The following SYT16 variants were observed in gnomAD, a reference collection of about 807,000 sequenced individuals.
SYT16 encodes synaptotagmin 16.
In SYT16, 42 loss-of-function variants were observed where a neutral mutation model predicts 61.4. That is an observed-to-expected ratio of 0.68 (90% CI 0.53 to 0.89). The LOEUF is 0.89. Ranked by LOEUF, SYT16 falls within the 40% of genes least tolerant of loss-of-function variation. The pLI is 0.00. For synonymous variants in SYT16, 314 were observed against 302.3 expected, an observed-to-expected ratio of 1.04 and a Z score of -0.40; for missense variants, 804 against 807.3, an observed-to-expected ratio of 1.00 and a Z score of 0.05.
chr14:61,988,363 A>G (rs1364848394), intron 2 of SYT16, among the ~76,000 whole-genome samples: 3 of 152,210 alleles, frequency 2.0e-5, no homozygotes, highest in Non-Finnish European at 4.4e-5. Context: ...GCCATGTTAA[A>G]TAGTCCCCCT....
chr14:62,033,370 G>A (rs189552095), intron 3 of SYT16, among the ~76,000 whole-genome samples: 5 of 151,856 alleles, frequency 3.3e-5, no homozygotes, highest in East Asian at 1.9e-4. Context: ...TTTCCTCCCC[G>A]GCCTGTTGCA....
chr14:61,817,545 A>G (rs992047169), intron 1 of SYT16, among the ~76,000 whole-genome samples: 12 of 152,204 alleles, frequency 7.9e-5, no homozygotes, highest in Non-Finnish European at 1.5e-4. Flanking sequence ...ATCACGAGGA[A>G]ACATCAGACA....
intron 1 of SYT16, among the ~76,000 whole-genome samples, chr14:61,906,447 A>G (rs908262712): frequency 6.6e-6 from 1 of 152,116 alleles, no homozygotes. Flanking sequence ...TACTGTTTGT[A>G]GCATATTGGC....
intron 7 of SYT16, among the ~76,000 whole-genome samples, chr14:62,093,639 A>G (rs1328712629): frequency 6.6e-6 from 1 of 152,106 alleles, no homozygotes; most frequent in African/African-American, 2.4e-5. Flanking sequence ...AGTGTAATTT[A>G]CCATATTAAC....
At chr14:61,876,047 C>T (rs985793317) in intron 1 of SYT16, among the ~76,000 whole-genome samples, 2 of 151,918 alleles carry the variant, frequency 1.3e-5, no homozygotes, top group African/African-American at 4.8e-5. Context: ...GATAGAGTTG[C>T]GTGTTTGTGT....
intron 7 of SYT16, among the ~76,000 whole-genome samples, chr14:62,086,529 G>A (rs1418560218): frequency 6.6e-6 from 1 of 152,140 alleles, no homozygotes; most frequent in Admixed American, 6.5e-5. Flanking sequence ...ATTGTGTTAT[G>A]AAACTGTTCA....
chr14:61,839,258 A>G (rs1396310072), intron 1 of SYT16, among the ~76,000 whole-genome samples: 1 of 152,182 alleles, frequency 6.6e-6, no homozygotes, highest in Non-Finnish European at 1.5e-5. Flanking sequence ...GCCACTATAA[A>G]AACAACTCTT....
rs998610798 is a variant in SYT16, at chr14:62,105,225, C to T, written c.*4518C>T. 6.6e-5 allele frequency: 10 copies of T among 152,250 alleles called. No homozygotes were observed. The highest frequency in any genetic ancestry group is 2.4e-4 in the African/African-American group (10 of 41,548). The allele number at this position is 152,250 out of a possible 1,614,324, so 9.4% of individuals were successfully genotyped here. On this transcript the variant is annotated 3_prime_UTR_variant, in exon 8 of 8. Coordinates refer to ENST00000683842, the MANE Select transcript of SYT16 (RefSeq NM_001367656.1). ...TGATGGTTTGTGTGTACCTCTTGAT[C>T]GATCACAAACAAGGCCTCTCCTTGT...
intron 3 of SYT16, among the ~76,000 whole-genome samples, chr14:62,028,014 C>T (rs1427602898): frequency 1.3e-5 from 2 of 152,024 alleles, no homozygotes; most frequent in Non-Finnish European, 2.9e-5. Flanking sequence ...GTGTTATTAC[C>T]CTTATCCTTC....
intron 7 of SYT16, among the ~76,000 whole-genome samples, chr14:62,091,281 A>G (rs985990005): frequency 1.1e-4 from 16 of 152,186 alleles, no homozygotes; most frequent in African/African-American, 3.6e-4. Flanking sequence ...AAAAATAAAG[A>G]TATTTTCCAC....
intron 3 of SYT16, among the ~76,000 whole-genome samples, chr14:62,014,823 A>T (rs552205753): frequency 6.6e-6 from 1 of 152,184 alleles, no homozygotes; most frequent in African/African-American, 2.4e-5. Context: ...ATCAGATTTC[A>T]TATTTTCTCA....
intron 3 of SYT16, among the ~76,000 whole-genome samples, chr14:62,032,596 A>G (rs534613628): frequency 1.6e-4 from 25 of 152,176 alleles, no homozygotes; most frequent in African/African-American, 5.8e-4. Flanking sequence ...ATACTGAATA[A>G]TGACAATGAT....
At chr14:61,982,560 C>T (rs2052129880) in intron 2 of SYT16, among the ~76,000 whole-genome samples, 1 of 152,158 alleles carries the variant, frequency 6.6e-6, no homozygotes, top group South Asian at 2.1e-4. Context: ...CACCAGGTCC[C>T]TCCCATAACA....
chr14:62,060,783 A>G (rs999923948), intron 3 of SYT16, among the ~76,000 whole-genome samples: 3 of 151,934 alleles, frequency 2.0e-5, no homozygotes, highest in Admixed American at 6.6e-5. Context: ...ATGATTTTCT[A>G]TACTTGTAAT....
intron 3 of SYT16, among the ~76,000 whole-genome samples, chr14:62,047,619 G>C (rs1380001688): frequency 6.6e-6 from 1 of 151,984 alleles, no homozygotes; most frequent in Non-Finnish European, 1.5e-5. Context: ...GTTTGTCATA[G>C]ATAGCTCTTA....
intron 1 of SYT16, among the ~76,000 whole-genome samples, chr14:61,852,877 G>A (rs2046658440): frequency 6.6e-6 from 1 of 152,168 alleles, no homozygotes; most frequent in South Asian, 2.1e-4. Context: ...TGTAAACACA[G>A]AGGTTTATTG....
At chr14:61,967,192 C>G (rs2051349287) in intron 1 of SYT16, among the ~76,000 whole-genome samples, 2 of 151,994 alleles carry the variant, frequency 1.3e-5, no homozygotes, top group African/African-American at 2.4e-5. Context: ...GTTTGGGGAA[C>G]CAGAAATAGG....
At chr14:61,843,872 A>C (rs1298863528) in intron 1 of SYT16, among the ~76,000 whole-genome samples, 1 of 152,046 alleles carries the variant, frequency 6.6e-6, no homozygotes, top group Non-Finnish European at 1.5e-5. Context: ...GCTTAGGATC[A>C]TTTTGGCTAT....
chr14:61,976,656 C>T (rs1171350440), intron 2 of SYT16, among the ~76,000 whole-genome samples: 4 of 152,122 alleles, frequency 2.6e-5, no homozygotes, highest in African/African-American at 9.7e-5. Flanking sequence ...ATGCAGAGCA[C>T]CAACTCCCGA....
Sources: gnomAD v4.1 joint callset for allele counts (sites outside exome capture counted in the v4.1 genomes callset) on GRCh38, gnomAD v4.1.1 for gene constraint, MANE v1.5 for transcripts, NCBI Gene and HGNC (gene_info 2026-07-23, HGNC 2026-07-21) for gene names.